MELK: variants seen among roughly 807,000 people sequenced by gnomAD.
MELK encodes the protein maternal embryonic leucine zipper kinase, also known as pEg3 kinase.
Under a neutral mutation model 85.0 loss-of-function variants are expected in MELK, and 81 were observed. The observed-to-expected ratio is 0.95, with a 90% confidence interval of 0.80 to 1.15. The LOEUF (loss-of-function observed/expected upper bound fraction) is 1.15. Ranked by LOEUF, MELK falls within the 50% of genes most tolerant of loss-of-function variation. The pLI is 0.00. For missense variants in MELK, 754 were observed against 777.5 expected, an observed-to-expected ratio of 0.97 and a Z score of 0.36; for synonymous variants, 252 against 265.0, an observed-to-expected ratio of 0.95 and a Z score of 0.48.
At chr9:36,617,463 G>T (rs1826951401) in intron 8 of MELK, among the ~76,000 whole-genome samples, 1 of 151,954 alleles carries the variant, frequency 6.6e-6, no homozygotes, top group African/African-American at 2.4e-5. Flanking sequence ...CTCCTGAGTA[G>T]CTGGAACTAC....
chr9:36,622,040 A>C (rs1182109033), intron 8 of MELK, among the ~76,000 whole-genome samples: 1 of 152,178 alleles, frequency 6.6e-6, no homozygotes, highest in African/African-American at 2.4e-5. Context: ...GAAAATGTCT[A>C]ATTCTTGTTC....
chr9:36,619,529 A>G (rs1312337615), intron 8 of MELK, among the ~76,000 whole-genome samples: 1 of 152,202 alleles, frequency 6.6e-6, no homozygotes, highest in African/African-American at 2.4e-5. Context: ...TATCCAGCTA[A>G]AATTTTGCAT....
intron 3 of MELK, among the ~76,000 whole-genome samples, chr9:36,587,005 C>T (rs1009775569): frequency 7.3e-5 from 11 of 151,668 alleles, no homozygotes; most frequent in Admixed American, 4.0e-4. Flanking sequence ...GGGACCACCA[C>T]GCCCAGCTAA....
chr9:36,609,579 CT>C (rs951868595), intron 8 of MELK, among the ~76,000 whole-genome samples: 14 of 151,994 alleles, frequency 9.2e-5, no homozygotes, highest in Admixed American at 9.2e-4. Context: ...TCCCCACTAG[CT>C]GGGACCACAG....
chr9:36,589,708 A>G, intron 4 of MELK, 56 bp downstream of exon 4: 1 of 1,257,166 alleles, frequency 8.0e-7, no homozygotes, highest in Admixed American at 1.8e-5. Flanking sequence ...CAATAGTAAA[A>G]GAGAAAAGTA....
chr9:36,633,373 G>A (rs1214674151), intron 10 of MELK, among the ~76,000 whole-genome samples, 173 bp downstream of exon 10: 1 of 152,168 alleles, frequency 6.6e-6, no homozygotes, highest in Admixed American at 6.5e-5. Context: ...CTGCAAATGA[G>A]AATTACCTGG....
At chr9:36,636,802 T>TTCTGTCTG (rs1223127116) in intron 10 of MELK, among the ~76,000 whole-genome samples, 8 of 75,334 alleles carry the variant, frequency 1.1e-4, no homozygotes, top group Admixed American at 3.3e-4. Flanking sequence ...CTTTCTTTCT[T>TTCTGTCTG]TCTGTCTTTC....
At chr9:36,632,588 C>G (rs543669430) in intron 9 of MELK, among the ~76,000 whole-genome samples, 1 of 152,106 alleles carries the variant, frequency 6.6e-6, no homozygotes, top group Admixed American at 6.6e-5. Flanking sequence ...ATTGAAAATG[C>G]CTTACTCTTT....
chr9:36,673,645 A>C lies in MELK; in HGVS notation c.1675-1189A>C, dbSNP rs146082572. ...ACTATGTTACCCAGGCTGGTCTTGA[A>C]CTCCTGAGCCCAAGTAATCCTCCTG... On this transcript the variant is annotated intron_variant, in intron 16 of 17. Transcript: ENST00000298048. Among the ~76,000 whole-genome samples the C allele has an allele frequency of 9.2e-3, 1,390 of 151,304 alleles. 6 individuals carry two copies. Among genetic ancestry groups the C allele is most frequent in the Non-Finnish European group, 0.015 (1,033 of 67,830 alleles).
intron 8 of MELK, among the ~76,000 whole-genome samples, chr9:36,613,073 G>C (rs974861936): frequency 6.6e-6 from 1 of 152,172 alleles, no homozygotes; most frequent in Admixed American, 6.5e-5. Flanking sequence ...CTGCCCTCAT[G>C]GTCTACTCCC....
In MELK at chr9:36,600,436, T is replaced by G. The variant is rs140721992; in HGVS notation, c.567+950T>G. Among the ~76,000 whole-genome samples, 1,220 of 152,162 alleles carry G rather than the reference T, an allele frequency of 8.0e-3. 12 individuals carry two copies. The highest frequency in any genetic ancestry group is 0.028 in the African/African-American group (1,165 of 41,494). ...TCTCACTCTGTTGCCCAGGCTGGAGTGCAGTGGCACAATCTCCGCTCACTA... is the reference window on the plus strand; with the variant it reads ...TCTCACTCTGTTGCCCAGGCTGGAGGGCAGTGGCACAATCTCCGCTCACTA... On this transcript the variant is annotated intron_variant, in intron 7 of 17. Coordinates refer to ENST00000298048, the MANE Select transcript of MELK (RefSeq NM_014791.4).
chr9:36,585,451 C>T (rs916428639), intron 3 of MELK, among the ~76,000 whole-genome samples: 4 of 151,646 alleles, frequency 2.6e-5, no homozygotes, highest in Non-Finnish European at 5.9e-5. Flanking sequence ...GTACTACAGG[C>T]GTGTGCCACC....
chr9:36,670,583 GTA>G (rs1438407902), intron 15 of MELK, among the ~76,000 whole-genome samples: 1 of 151,052 alleles, frequency 6.6e-6, no homozygotes, highest in African/African-American at 2.4e-5. Context: ...ATACATTGAT[GTA>G]TATATATCAG....
At chr9:36,665,660 G>T in intron 14 of MELK, 79 bp downstream of exon 14, 1 of 1,029,604 alleles carries the variant, frequency 9.7e-7, no homozygotes, top group East Asian at 2.6e-5. Context: ...GGTCAGAAAT[G>T]ACTAGCATTG....
At chr9:36,670,931 C>A in intron 15 of MELK, 67 bp from the exon 16 acceptor site, 1 of 1,479,608 alleles carries the variant, frequency 6.8e-7, no homozygotes. Context: ...GACAAAAGTT[C>A]ACCCTTGTGG....
intron 8 of MELK, 40 bp downstream of exon 8, chr9:36,607,713 T>C (rs1564154078): frequency 1.5e-6 from 2 of 1,323,378 alleles, no homozygotes; most frequent in Non-Finnish European, 2.2e-6. Context: ...GTAGAACTTT[T>C]CTATACCGAA....
intron 14 of MELK, among the ~76,000 whole-genome samples, chr9:36,669,085 GA>G (rs750945792): frequency 3.3e-5 from 5 of 151,590 alleles, no homozygotes; most frequent in East Asian, 1.9e-4. Context: ...TTGCAGTGAA[GA>G]AAAAAAAGAA....
intron 11 of MELK, among the ~76,000 whole-genome samples, chr9:36,643,656 C>T (rs138266665): frequency 0.02 from 2,995 of 151,944 alleles, 98 homozygotes; most frequent in South Asian, 0.067. Flanking sequence ...AACAACTGGC[C>T]GGGCACGGTG....
chr9:36,643,710 G>T lies in MELK; in HGVS notation c.921+627G>T, dbSNP rs1053140304. Among the ~76,000 whole-genome samples, 5 of 151,982 alleles carry T rather than the reference G, an allele frequency of 3.3e-5. No individual in the cohort carries two copies. In the East Asian group the frequency reaches 9.7e-4, roughly 29 times the overall value. Reference sequence around the variant, plus strand: ...AGCACTTTCGGAGGCTGAGGTGGGCGGATCACGAGGTCAGGAGATCGAGAC... The same window carrying T: ...AGCACTTTCGGAGGCTGAGGTGGGCTGATCACGAGGTCAGGAGATCGAGAC... On this transcript the variant is annotated intron_variant, in intron 11 of 17. Coordinates refer to ENST00000298048, the MANE Select transcript of MELK (RefSeq NM_014791.4).
Sources: allele counts gnomAD v4.1 joint callset (sites outside exome capture counted in the v4.1 genomes callset), GRCh38; gene constraint gnomAD v4.1.1; transcripts MANE v1.5; gene names NCBI Gene and HGNC (gene_info 2026-07-23, HGNC 2026-07-21).